MYBBP1A: variants seen among roughly 807,000 people sequenced by gnomAD.
MYBBP1A encodes MYB binding protein 1a, also known as myb-binding protein 1A.
A neutral mutation model predicts 136.3 loss-of-function variants in MYBBP1A; 147 were observed. The ratio of observed to expected loss-of-function variants is 1.08; its 90% confidence interval spans 0.94 to 1.24. The LOEUF (loss-of-function observed/expected upper bound fraction) is 1.24. Among genes scored for constraint, MYBBP1A ranks in the 50% most tolerant of loss-of-function variants. The pLI is 0.00. For missense variants in MYBBP1A, 2,060 were observed against 1,727.4 expected, an observed-to-expected ratio of 1.19 and a Z score of -3.41; for synonymous variants, 947 against 735.8, an observed-to-expected ratio of 1.29 and a Z score of -4.65.
Position 4,539,110 on chromosome 17 carries a change from C to A in MYBBP1A, c.*305G>T. On this transcript the variant is annotated 3_prime_UTR_variant, in exon 26 of 26. Transcript: ENST00000254718. ...CAGGCACGAGAGATGGTCACACCTGCCTGCAGCCAGCACATCAACCTGCAC... is the reference window on the plus strand; with the variant it reads ...CAGGCACGAGAGATGGTCACACCTGACTGCAGCCAGCACATCAACCTGCAC... 1 of 1,513,906 alleles carries A rather than the reference C, an allele frequency of 6.6e-7. No homozygotes were observed. Among genetic ancestry groups the A allele is most frequent in the Non-Finnish European group, 8.9e-7 (1 of 1,127,616 alleles). The allele number at this position is 1,513,906 out of a possible 1,614,324, so 93.8% of individuals were successfully genotyped here. A position where few individuals can be genotyped will look rare whatever the true frequency, so the allele number is the denominator to read the frequency against.
chr17:4,554,270 CT>C lies in MYBBP1A; in HGVS notation c.302del (p.Gln101ArgfsTer24). ...CYSLALAQLL[Q>X]SFEDLPLCSI... ...TGCACAAGGGGAGGTCTTCAAAAGA[CT>C]GTAACAGCTGCCAGGAGTTGTGTGG... On this transcript the variant is annotated frameshift_variant, in exon 3 of 26. Transcript: ENST00000254718. LOFTEE classifies it high-confidence loss of function. 1 of 1,614,014 alleles carries C rather than the reference CT, an allele frequency of 6.2e-7. No individual in the cohort carries two copies. The highest frequency in any genetic ancestry group is 8.5e-7 in the Non-Finnish European group (1 of 1,179,978).
rs1906096356 is a variant in MYBBP1A, at chr17:4,539,213, T to C, written c.*202A>G. On this transcript the variant is annotated 3_prime_UTR_variant, in exon 26 of 26. Coordinates refer to ENST00000254718, the MANE Select transcript of MYBBP1A (RefSeq NM_014520.4). ...GCCCAGAACCGGGGGTGGGGAGGTC[T>C]CTGCACCCTGGGACCCCTGCAGGAA... The C allele has an allele frequency of 2.1e-6, 3 of 1,457,248 alleles. No individual in the cohort carries two copies. Among genetic ancestry groups the C allele is most frequent in the Middle Eastern group, 2.5e-4 (1 of 3,922 alleles). The allele number at this position is 1,457,248 out of a possible 1,614,324, so 90.3% of individuals were successfully genotyped here. A position where few individuals can be genotyped will look rare whatever the true frequency, so the allele number is the denominator to read the frequency against.
chr17:4,540,616 C>T (rs1906325173), intron 24 of MYBBP1A, 132 bp from the exon 25 acceptor site: 2 of 1,133,368 alleles, frequency 1.8e-6, no homozygotes, highest in Non-Finnish European at 2.4e-6. Context: ...TCAGCCTCTC[C>T]TTCTGCCTGT....
intron 13 of MYBBP1A, chr17:4,547,710 G>C (rs1398149115): frequency 2.3e-6 from 1 of 438,364 alleles, no homozygotes; most frequent in Non-Finnish European, 4.0e-6. Flanking sequence ...AACATGGAGA[G>C]GGGGTGTCTG....
chr17:4,542,368 A>T, intron 22 of MYBBP1A, 96 bp downstream of exon 22: 1 of 1,385,966 alleles, frequency 7.2e-7, no homozygotes, highest in Non-Finnish European at 9.9e-7. Flanking sequence ...CGTGCTCACC[A>T]GGACAGCGCT....
intron 13 of MYBBP1A, 127 bp from the exon 14 acceptor site, chr17:4,546,069 C>G (rs986635116): frequency 3.8e-6 from 3 of 794,740 alleles, no homozygotes; most frequent in Non-Finnish European, 6.1e-6. Context: ...CTGGCCCGCC[C>G]TGGCCAGTCA....
At chr17:4,546,618 G>C (rs1907035560) in intron 13 of MYBBP1A, among the ~76,000 whole-genome samples, 1 of 152,224 alleles carries the variant, frequency 6.6e-6, no homozygotes, top group Non-Finnish European at 1.5e-5. Flanking sequence ...GGCTTGGCAT[G>C]AGAGACAGAA....
rs117174113 is a variant in MYBBP1A at position 4,551,059 on chromosome 17, G to A, written c.1024-706C>T. ...TGTAGTGCCATGATCATGGCTCACT[G>A]CAGCCTCAAAATTCTGGGTTCAAGG... On this transcript the variant is annotated intron_variant, in intron 8 of 25. Coordinates refer to ENST00000254718, the MANE Select transcript of MYBBP1A (RefSeq NM_014520.4). Among the ~76,000 whole-genome samples the A allele has an allele frequency of 8.5e-3, 1,301 of 152,330 alleles. 12 individuals are homozygous for A. Among genetic ancestry groups the A allele is most frequent in the Admixed American group, 0.019 (294 of 15,304 alleles).
At position 4,539,748 on chromosome 17, in the gene MYBBP1A, A is replaced by G. The variant is rs1906178459; in HGVS notation, c.3654T>C (p.Ala1218=). 3 of 1,612,708 alleles carry G rather than the reference A, an allele frequency of 1.9e-6. 1 individual carries two copies. In the South Asian group the frequency reaches 3.3e-5, roughly 18 times the overall value. The change falls in exon 26 of 26, where the codon GCT becomes GCC. Residue 1218 remains alanine (A), a synonymous_variant. Coordinates refer to ENST00000254718, the MANE Select transcript of MYBBP1A (RefSeq NM_014520.4). The part of the protein sequence containing the change: ...MGRKKRNRTK[A]KVPAQANGTP... Reference sequence around the variant, plus strand: ...TCCCGTTTGCCTGGGCTGGGACCTTAGCCTTTGTCCTGTTCCTCTTCTTCC... The same window carrying G: ...TCCCGTTTGCCTGGGCTGGGACCTTGGCCTTTGTCCTGTTCCTCTTCTTCC...
intron 25 of MYBBP1A, 102 bp from the exon 26 acceptor site, chr17:4,540,069 C>T: frequency 7.2e-7 from 1 of 1,393,476 alleles, no homozygotes; most frequent in Non-Finnish European, 9.8e-7. Flanking sequence ...CTCTGAGGCC[C>T]CTAGGTTCTG....
At chr17:4,542,337 TG>T in intron 22 of MYBBP1A, 126 bp downstream of exon 22, 1 of 1,101,902 alleles carries the variant, frequency 9.1e-7, no homozygotes, top group Non-Finnish European at 1.3e-6. Flanking sequence ...GCCAAGCCAG[TG>T]GGGCAGGGAC....
At position 4,545,645 on chromosome 17, in the gene MYBBP1A, G is replaced by A. The variant is rs899440; in HGVS notation, c.2038C>T (p.His680Tyr). The A allele has an allele frequency of 0.012, 19,498 of 1,607,284 alleles. 1,867 individuals are homozygous for A. The African/African-American group carries it at 0.22, about 18-fold the overall frequency. Reference sequence around the variant, plus strand: ...AGCTGCAGGGCACGCGGGGTCAGGTGGGAGCAGATGTGGCCAAACACGCTC... The same window carrying A: ...AGCTGCAGGGCACGCGGGGTCAGGTAGGAGCAGATGTGGCCAAACACGCTC... ...ARSVFGHICSHLTPRALQLIL... is the reference protein window; with the variant it reads ...ARSVFGHICSYLTPRALQLIL... The change falls in exon 15 of 26, where the codon CAC (histidine) becomes TAC (tyrosine). Residue 680 changes from histidine (H) to tyrosine (Y), a missense_variant. Physicochemically the swap from His to Tyr is moderately conservative, Grantham distance 83 (BLOSUM62 2). Coordinates refer to ENST00000254718, the MANE Select transcript of MYBBP1A (RefSeq NM_014520.4).
At position 4,542,610 on chromosome 17, in the gene MYBBP1A, A is replaced by C; in HGVS notation, c.3018+6T>G. On this transcript the variant is annotated splice_donor_region_variant and intron_variant, in intron 21 of 25. Coordinates refer to ENST00000254718, the MANE Select transcript of MYBBP1A (RefSeq NM_014520.4). ...ATGAGGAAGCAGGGCAGGCCCCAAC[A>C]CTCACCGGGTGCCGGGAGAAGAGGC... The C allele has an allele frequency of 1.2e-6, 2 of 1,613,652 alleles. No individual in the cohort carries two copies. The highest frequency in any genetic ancestry group is 1.7e-6 in the Non-Finnish European group (2 of 1,179,818).
At position 4,555,340 on chromosome 17, in the gene MYBBP1A, C is replaced by G. The variant is rs117790724; in HGVS notation, c.-16G>C. 1.0e-5 allele frequency: 16 copies of G among 1,580,102 alleles called. No homozygotes were observed. The highest frequency in any genetic ancestry group is 4.0e-5 in the African/African-American group (3 of 74,356). On this transcript the variant is annotated 5_prime_UTR_variant, in exon 1 of 26. Transcript: ENST00000254718. Reference sequence around the variant, plus strand: ...GGCTCTCCATCTCCGCCACACTCACCGAAACACGAAACACGTGTGCTCCGG... The same window carrying G: ...GGCTCTCCATCTCCGCCACACTCACGGAAACACGAAACACGTGTGCTCCGG...
At position 4,552,307 on chromosome 17, in the gene MYBBP1A, G is replaced by A; in HGVS notation, c.738-15C>T. ...CATTCACCAGCCTGCGGAGGGCAAG[G>A]GACTCAGGGAACACTTGCCTCACAG... On this transcript the variant is annotated splice_polypyrimidine_tract_variant and intron_variant, in intron 6 of 25. Transcript: ENST00000254718. This position sits in a 1 kb window ranked among gnomAD's most constrained non-coding sequence, Gnocchi z 4.7. 2 of 1,613,622 alleles carry A rather than the reference G, an allele frequency of 1.2e-6. No homozygotes were observed. The highest frequency in any genetic ancestry group is 2.2e-5 in the East Asian group (1 of 44,884).
Position 4,541,885 on chromosome 17 carries a change from G to T in MYBBP1A, c.3094C>A (p.Leu1032Met). Residue 1032 changes from leucine (L) to methionine (M), a missense_variant, in exon 23 of 26, where the codon CTG (leucine) becomes ATG (methionine). Leu to Met is a conservative substitution (Grantham distance 15). Transcript: ENST00000254718. Reference protein sequence around the residue: ...GPVRPRHQACLLLQKTLSMRE... With the variant: ...GPVRPRHQACMLLQKTLSMRE... ...ATGGACAGGGTCTTCTGGAGCAGCAGGCAGGCCTGTGGGTGGGCAAAGGTG... is the reference window on the plus strand; with the variant it reads ...ATGGACAGGGTCTTCTGGAGCAGCATGCAGGCCTGTGGGTGGGCAAAGGTG... The T allele has an allele frequency of 3.7e-6, 6 of 1,613,332 alleles. No homozygotes were observed. Among genetic ancestry groups the T allele is most frequent in the Non-Finnish European group, 5.1e-6 (6 of 1,179,812 alleles).
chr17:4,547,315 A>C (rs767745539), intron 13 of MYBBP1A, among the ~76,000 whole-genome samples: 47 of 152,280 alleles, frequency 3.1e-4, no homozygotes, highest in Admixed American at 1.0e-3. Context: ...TGTGTCCTGG[A>C]ATCACCAGGA....
At chr17:4,543,887 T>C (rs1356315921) in intron 19 of MYBBP1A, among the ~76,000 whole-genome samples, 46 of 127,210 alleles carry the variant, frequency 3.6e-4, no homozygotes, top group Admixed American at 2.2e-3. Context: ...ACTCAGACCC[T>C]TCCCCACGCC....
At chr17:4,554,407 A>G (rs1907839359) in intron 2 of MYBBP1A, 129 bp from the exon 3 acceptor site, 2 of 713,990 alleles carry the variant, frequency 2.8e-6, no homozygotes, top group East Asian at 2.6e-5. Flanking sequence ...CCCACCTTCT[A>G]TGTACCTTCT....
Sources: gnomAD v4.1 joint callset for allele counts (sites outside exome capture counted in the v4.1 genomes callset) on GRCh38, gnomAD v4.1.1 for gene constraint, Gnocchi (gnomAD v3.1) non-coding constraint, MANE v1.5 for transcripts, NCBI Gene and HGNC (gene_info 2026-07-23, HGNC 2026-07-21) for gene names.